COL18A1: variants seen among roughly 807,000 people sequenced by gnomAD.
The protein encoded by COL18A1 is collagen alpha-1(XVIII) chain.
In COL18A1, 133 loss-of-function variants were observed where a neutral mutation model predicts 168.0. That is an observed-to-expected ratio of 0.79 (90% CI 0.69 to 0.91). The LOEUF is 0.91. COL18A1 is among the 40% of genes least tolerant of loss of function. The probability of loss-of-function intolerance (pLI) is 0.00; values close to 1 mark genes in which losing one functional copy is unlikely to be tolerated. For synonymous variants in COL18A1, 949 were observed against 809.0 expected (o/e 1.17, Z -2.94); for missense variants, 2,126 against 1,925.4 (o/e 1.10, Z -1.95).
intron 2 of COL18A1, chr21:45,456,536 CCCCTGCCACCCT>C (rs755285408): frequency 1.3e-6 from 2 of 1,548,062 alleles, no homozygotes; most frequent in Non-Finnish European, 1.7e-6. Flanking sequence ...TCGCTGCCTG[CCCCTGCCACCCT>C]CCCTGCCAGT....
Position 45,504,511 on chromosome 21 carries a change from CGGCCCCCCA to C in COL18A1, c.2838_2846del (p.Pro947_Pro949del), listed in dbSNP as rs78227997. 1,522,703 of 1,577,212 alleles carry C rather than the reference CGGCCCCCCA, an allele frequency of 0.97. 734,982 individuals are homozygous for C. Among genetic ancestry groups the C allele is most frequent in the East Asian group, 1 (43,224 of 43,258 alleles). On this transcript the variant is annotated inframe_deletion, in exon 34 of 42. Coordinates refer to ENST00000651438, the MANE Select transcript of COL18A1 (RefSeq NM_001379500.1). Reference sequence around the variant, plus strand: ...TCGGCTCCAGCCTGCCCGGCCCCCCCGGCCCCCCAGGCCCCCCAGGCCCACGTGGCTACC... The same window carrying C: ...TCGGCTCCAGCCTGCCCGGCCCCCCCGGCCCCCCAGGCCCACGTGGCTACC...
intron 15 of COL18A1, among the ~76,000 whole-genome samples, chr21:45,484,958 C>A (rs1254408546): frequency 6.6e-6 from 1 of 151,960 alleles, no homozygotes; most frequent in Admixed American, 6.6e-5. Context: ...TAATTGTAAA[C>A]CAAATAGAAA....
At chr21:45,456,318 T>G (rs2145853868) in intron 2 of COL18A1, 1 of 1,551,484 alleles carries the variant, frequency 6.4e-7, no homozygotes, top group East Asian at 2.4e-5. Context: ...CGCACGCCAC[T>G]TCTGCACCCC....
At chr21:45,512,056 T>C in intron 41 of COL18A1, 132 bp from the exon 42 acceptor site, 1 of 957,914 alleles carries the variant, frequency 1.0e-6, no homozygotes. Flanking sequence ...GCCCTCCAGG[T>C]TGTGGGAGCC....
chr21:45,506,029 A>G (rs1465838929), intron 37 of COL18A1, 63 bp downstream of exon 37: 27 of 1,610,366 alleles, frequency 1.7e-5, no homozygotes, highest in Non-Finnish European at 2.2e-5. Flanking sequence ...CCTGGGGCTT[A>G]AGGAAGGCGA....
intron 17 of COL18A1, among the ~76,000 whole-genome samples, chr21:45,488,120 C>T (rs755813268): frequency 7.9e-5 from 12 of 152,316 alleles, no homozygotes; most frequent in East Asian, 1.9e-4. Context: ...CCAAGAGACA[C>T]GTGGGGTGGC....
chr21:45,495,855 A>G, intron 29 of COL18A1: 1 of 320,150 alleles, frequency 3.1e-6, no homozygotes, highest in South Asian at 2.7e-5. Flanking sequence ...ATACACTCAT[A>G]CATGTGCACG....
intron 2 of COL18A1, chr21:45,455,964 T>A (rs2034789212): frequency 1.2e-6 from 2 of 1,612,948 alleles, no homozygotes; most frequent in Admixed American, 3.3e-5. Flanking sequence ...ACCCTGGTCC[T>A]GGAGACTCCT....
chr21:45,470,163 G>A (rs143661420), intron 3 of COL18A1, among the ~76,000 whole-genome samples: 16 of 152,350 alleles, frequency 1.1e-4, no homozygotes, highest in East Asian at 5.8e-4. Flanking sequence ...CCTCATCAGC[G>A]AAGTCCCGTG....
At chr21:45,422,491 G>A (rs79490253) in intron 2 of COL18A1, 9 of 527,362 alleles carry the variant, frequency 1.7e-5, no homozygotes, top group African/African-American at 5.8e-5. Context: ...GCCAGGAGCC[G>A]GGGCCTTTGC....
intron 2 of COL18A1, chr21:45,421,342 C>A: frequency 2.0e-6 from 1 of 510,016 alleles, no homozygotes; most frequent in Non-Finnish European, 4.1e-6. Context: ...CAGAGACTCC[C>A]AGAACCACAG....
chr21:45,442,073 G>A (rs144426830), intron 2 of COL18A1, among the ~76,000 whole-genome samples: 7 of 152,338 alleles, frequency 4.6e-5, no homozygotes, highest in Middle Eastern at 3.4e-3. Context: ...GCAGTCCTGC[G>A]GGGAGGCCCA....
chr21:45,481,720 G>A (rs1160431451), intron 13 of COL18A1, among the ~76,000 whole-genome samples: 1 of 152,236 alleles, frequency 6.6e-6, no homozygotes, highest in East Asian at 1.9e-4. Flanking sequence ...GCCCTGGTGT[G>A]CAAGCATCTT....
At chr21:45,445,727 T>C (rs2034489809) in intron 2 of COL18A1, among the ~76,000 whole-genome samples, 1 of 152,248 alleles carries the variant, frequency 6.6e-6, no homozygotes, top group Non-Finnish European at 1.5e-5. Context: ...TTTTTTGTCT[T>C]TCTTGGCGAT....
At chr21:45,485,511 AT>A (rs1221647229) in intron 15 of COL18A1, among the ~76,000 whole-genome samples, 3 of 150,956 alleles carry the variant, frequency 2.0e-5, no homozygotes, top group Admixed American at 6.6e-5. Context: ...AGAAAAAAAA[AT>A]TAGATTTTTA....
In COL18A1 at chr21:45,423,517, G is replaced by A. The variant is rs373605380; in HGVS notation, c.106+18044G>A. ...CCGCCCCCCGCCCCCCGGAGGGCCC[G>A]GCTCCAAGGGTCATATGAGTGGATC... is the stretch of plus-strand genomic sequence containing the variant. On this transcript the variant is annotated intron_variant, in intron 2 of 41. Transcript: ENST00000651438. The surrounding 1 kb of genome is among the most constrained non-coding windows in gnomAD (Gnocchi z 4.0). Among the ~76,000 whole-genome samples the A allele has an allele frequency of 4.4e-5, 6 of 137,154 alleles. No homozygotes were observed. The highest frequency in any genetic ancestry group is 4.3e-4 in the East Asian group (2 of 4,692). The allele number at this position is 137,154 out of a possible 152,430, so 90.0% of individuals were successfully genotyped here.
rs763699921 is a variant in COL18A1, at chr21:45,405,199, C to T, written c.-32C>T. The T allele has an allele frequency of 9.0e-5, 15 of 167,006 alleles. No homozygotes were observed. In the South Asian group the frequency reaches 2.6e-3, roughly 28 times the overall value. The allele number at this position is 167,006 out of a possible 1,614,324, so 10.3% of individuals were successfully genotyped here. On this transcript the variant is annotated 5_prime_UTR_variant, in exon 1 of 42. Coordinates refer to ENST00000651438, the MANE Select transcript of COL18A1 (RefSeq NM_001379500.1). The stretch of plus-strand genomic sequence containing the variant: ...GGGTGCACCGCGGCGGAGGAGGCAG[C>T]ATCCCGCGGCGCTGACGGTCCTGGG...
At position 45,471,280 on chromosome 21, in the gene COL18A1, T is replaced by C. The variant is rs1308826341; in HGVS notation, c.651+2494T>C. On this transcript the variant is annotated intron_variant, in intron 3 of 41. Transcript: ENST00000651438. This position sits in a 1 kb window ranked among gnomAD's most constrained non-coding sequence, Gnocchi z 4.4. Reference sequence around the variant, plus strand: ...GTGTCAGGAACTTTCTCTTTGGGTCTTAGATGAGATTCCAGCTGGGGAGAG... The same window carrying C: ...GTGTCAGGAACTTTCTCTTTGGGTCCTAGATGAGATTCCAGCTGGGGAGAG... 2.0e-5 allele frequency among the ~76,000 whole-genome samples: 3 copies of C among 152,188 alleles called. No homozygotes were observed. The highest frequency in any genetic ancestry group is 7.2e-5 in the African/African-American group (3 of 41,464).
chr21:45,448,742 C>T (rs1448804886), intron 2 of COL18A1, among the ~76,000 whole-genome samples: 1 of 152,266 alleles, frequency 6.6e-6, no homozygotes, highest in African/African-American at 2.4e-5. Flanking sequence ...CAGATGCGCT[C>T]CATAATGTCC....
Sources: gnomAD v4.1 joint callset for allele counts (sites outside exome capture counted in the v4.1 genomes callset) on GRCh38, gnomAD v4.1.1 for gene constraint, Gnocchi (gnomAD v3.1) non-coding constraint, MANE v1.5 for transcripts, NCBI Gene and HGNC (gene_info 2026-07-23, HGNC 2026-07-21) for gene names.